Variants in AFF2 observed in about 807,000 individuals in gnomAD.
AFF2 encodes AF4/FMR2 family member 2.
Under a neutral mutation model 76.9 loss-of-function variants are expected in AFF2, and 14 were observed. The observed-to-expected ratio is 0.18, with a 90% confidence interval of 0.12 to 0.28. The LOEUF (loss-of-function observed/expected upper bound fraction) is 0.28, where lower values mean the gene tolerates loss of function less well. Among genes scored for constraint, AFF2 ranks in the 10% least tolerant of loss-of-function variants. AFF2 has a pLI of 1.00. For missense variants in AFF2, 868 were observed against 1,001.1 expected (o/e 0.87, Z 1.79); for synonymous variants, 398 against 366.7 (o/e 1.09, Z -0.98).
chrX:148,693,729 A>T lies in AFF2; in HGVS notation c.1041+30961A>T, dbSNP rs372576162. Among the ~76,000 whole-genome samples the T allele has an allele frequency of 4.5e-5, 5 of 111,940 alleles. No homozygotes were observed. The East Asian group carries it at 8.4e-4, about 19-fold the overall frequency. ...TAATTCTCCCTTCTGTACACATCAG[A>T]TCTTGTCCGCCCAAGGAAAGGAAGT... On this transcript the variant is annotated intron_variant, in intron 3 of 20. Transcript: ENST00000370460.
At chrX:148,790,004 TA>T (rs1266180161) in intron 3 of AFF2, among the ~76,000 whole-genome samples, 1 of 111,152 alleles carries the variant, frequency 9.0e-6, no homozygotes, top group African/African-American at 3.3e-5. Flanking sequence ...ACCTCCCATT[TA>T]AAAAATGGCC....
intron 7 of AFF2, among the ~76,000 whole-genome samples, chrX:148,880,963 C>T (rs2071089378): frequency 8.9e-6 from 1 of 111,812 alleles, no homozygotes; most frequent in South Asian, 3.8e-4. Flanking sequence ...CATGTATGAC[C>T]ATATGTTAGG....
rs782502381 is a variant in AFF2 at position 148,664,433 on chromosome X, C to T, written c.1041+1665C>T. Among the ~76,000 whole-genome samples, 6 of 111,568 alleles carry T rather than the reference C, an allele frequency of 5.4e-5. No individual in the cohort carries two copies. The East Asian group carries it at 1.7e-3, about 31-fold the overall frequency. On this transcript the variant is annotated intron_variant, in intron 3 of 20. Coordinates refer to ENST00000370460, the MANE Select transcript of AFF2 (RefSeq NM_002025.4). ...CCTAGAATGTCTTTCCCCACCCTCC[C>T]TTGTCTTCCTGGTAAAGTCCTGTTT... is the stretch of plus-strand genomic sequence containing the variant.
chrX:148,628,277 A>T (rs1444436089), intron 1 of AFF2, among the ~76,000 whole-genome samples: 2 of 111,065 alleles, frequency 1.8e-5, no homozygotes, highest in African/African-American at 6.5e-5. Context: ...ATTTTCTATT[A>T]TATATTAATA....
intron 9 of AFF2, among the ~76,000 whole-genome samples, chrX:148,943,282 C>T (rs1315740811): frequency 8.9e-6 from 1 of 112,388 alleles, no homozygotes; most frequent in African/African-American, 3.2e-5. Context: ...TCAGAAATTG[C>T]GTATGTGACT....
At chrX:148,775,716 C>T (rs782341962) in intron 3 of AFF2, among the ~76,000 whole-genome samples, 5 of 110,911 alleles carry the variant, frequency 4.5e-5, no homozygotes, top group Non-Finnish European at 9.4e-5. Context: ...ACATCGATTT[C>T]GTCTCTGTAT....
rs782628216 is a variant in AFF2 at position 148,662,306 on chromosome X, G to T, written c.579G>T (p.Leu193=). ...TLTQDQSQAK[L]EDFFVYPAEQ... ...CACAGGACCAGTCTCAAGCCAAACT[G>T]GAAGACTTCTTTGTCTACCCAGCTG... The change falls in exon 3 of 21, where the codon CTG becomes CTT. Residue 193 remains leucine, a synonymous_variant. Transcript: ENST00000370460. The T allele has an allele frequency of 8.3e-7, 1 of 1,211,801 alleles. No homozygotes were observed. Among genetic ancestry groups the T allele is most frequent in the South Asian group, 1.8e-5 (1 of 56,988 alleles).
In AFF2 at chrX:148,784,854, C is replaced by T. The variant is rs782173694; in HGVS notation, c.1042-25022C>T. ...CCGTGACTAATTACACATGCAGAAG[C>T]GGCTCCCAAACGGCTCACTGTCTCC... On this transcript the variant is annotated intron_variant, in intron 3 of 20. Transcript: ENST00000370460. 2.2e-4 allele frequency among the ~76,000 whole-genome samples: 24 copies of T among 111,207 alleles called. No homozygotes were observed. In the South Asian group the frequency reaches 7.0e-3, roughly 33 times the overall value.
intron 4 of AFF2, among the ~76,000 whole-genome samples, chrX:148,835,409 A>ACATGATGT (rs1296832328): frequency 9.0e-6 from 1 of 111,173 alleles, no homozygotes; most frequent in Non-Finnish European, 1.9e-5. Context: ...ATGGGGTAAA[A>ACATGATGT]CATGATGTTT....
chrX:148,568,164 A>G (rs2053189234), intron 1 of AFF2, among the ~76,000 whole-genome samples: 2 of 111,546 alleles, frequency 1.8e-5, no homozygotes, highest in South Asian at 7.5e-4. Context: ...GAAAAAGATA[A>G]ACATAGGAAA....
At position 148,732,588 on chromosome X, in the gene AFF2, A is replaced by G. The variant is rs1325766005; in HGVS notation, c.1041+69820A>G. Among the ~76,000 whole-genome samples, 19 of 102,869 alleles carry G rather than the reference A, an allele frequency of 1.8e-4. No individual in the cohort carries two copies. The East Asian group carries it at 2.7e-3, about 15-fold the overall frequency. 89.3% of individuals were successfully genotyped at this position (102,869 alleles called of 115,157 possible). The stretch of plus-strand genomic sequence containing the variant: ...CTTAAAGTATAATTAAAAAAAAAAA[A>G]AAAGAAAGAAATACAAGCAGATGAA... On this transcript the variant is annotated intron_variant, in intron 3 of 20. Transcript: ENST00000370460.
chrX:148,757,230 C>T (rs953986352), intron 3 of AFF2, among the ~76,000 whole-genome samples: 1 of 111,919 alleles, frequency 8.9e-6, no homozygotes, highest in East Asian at 2.8e-4. Context: ...ACATATTGTC[C>T]ATAGTTGCTT....
At chrX:148,786,915 C>T (rs1249137511) in intron 3 of AFF2, among the ~76,000 whole-genome samples, 1 of 112,050 alleles carries the variant, frequency 8.9e-6, no homozygotes, top group African/African-American at 3.2e-5. Context: ...TCCCCACCCA[C>T]GGACCAGTTA....
chrX:148,651,964 C>T (rs1557256390), intron 1 of AFF2, 35 bp from the exon 2 acceptor site: 1 of 1,117,774 alleles, frequency 8.9e-7, no homozygotes, highest in East Asian at 3.1e-5. Context: ...ATTAATTAAT[C>T]TTTTTCTCTT....
chrX:148,551,816 C>T (rs2052996714), intron 1 of AFF2, among the ~76,000 whole-genome samples: 1 of 111,737 alleles, frequency 8.9e-6, no homozygotes, highest in South Asian at 3.8e-4. Context: ...GGGAGTTGAG[C>T]CACACCAGAT....
intron 7 of AFF2, among the ~76,000 whole-genome samples, chrX:148,866,009 C>T (rs868954750): frequency 9.0e-6 from 1 of 111,664 alleles, no homozygotes; most frequent in Non-Finnish European, 1.9e-5. Context: ...AGACAAAAAA[C>T]GAGGCTCTTA....
chrX:148,804,423 C>T (rs1468513919), intron 3 of AFF2, among the ~76,000 whole-genome samples: 1 of 112,177 alleles, frequency 8.9e-6, no homozygotes, highest in African/African-American at 3.2e-5. Context: ...TTCATGGTTA[C>T]CTTTTAGTTT....
rs140139180 is a variant in AFF2 at position 148,546,700 on chromosome X, G to A, written c.47+45556G>A. On this transcript the variant is annotated intron_variant, in intron 1 of 20. Coordinates refer to ENST00000370460, the MANE Select transcript of AFF2 (RefSeq NM_002025.4). ...CATTTTCTTCTTTGTCTATGCTGGAGAGAATCTCTTGGATGGGTACATCAA... is the reference window on the plus strand; with the variant it reads ...CATTTTCTTCTTTGTCTATGCTGGAAAGAATCTCTTGGATGGGTACATCAA... 4.9e-3 allele frequency among the ~76,000 whole-genome samples: 545 copies of A among 112,183 alleles called. 2 individuals are homozygous for A. The highest frequency in any genetic ancestry group is 8.3e-3 in the Non-Finnish European group (443 of 53,235).
At chrX:148,713,039 G>C (rs1301669895) in intron 3 of AFF2, among the ~76,000 whole-genome samples, 1 of 111,401 alleles carries the variant, frequency 9.0e-6, no homozygotes, top group African/African-American at 3.3e-5. Flanking sequence ...ACAAAGACTT[G>C]AAGGAGGTGA....
Sources: gnomAD v4.1 joint callset for allele counts (sites outside exome capture counted in the v4.1 genomes callset) on GRCh38, gnomAD v4.1.1 for gene constraint, MANE v1.5 for transcripts, NCBI Gene and HGNC (gene_info 2026-07-23, HGNC 2026-07-21) for gene names.